Variants in VMA21 observed in about 807,000 individuals in gnomAD.
VMA21 encodes the protein vacuolar ATPase assembly factor VMA21.
For synonymous variants in VMA21, 47 were observed against 34.1 expected (o/e 1.38, Z -1.32); for missense variants, 61 against 80.6 (o/e 0.76, Z 0.93).
intron 2 of VMA21, among the ~76,000 whole-genome samples, chrX:151,404,497 C>G (rs1290978740): frequency 1.8e-5 from 2 of 112,543 alleles, no homozygotes; most frequent in Non-Finnish European, 3.8e-5. Flanking sequence ...CGGCTCGCGT[C>G]AAGCTCTGCC....
upstream of VMA21, chrX:151,397,104 C>T (rs1458133651): frequency 8.7e-6 from 3 of 345,489 alleles, no homozygotes; most frequent in East Asian, 5.1e-5. Context: ...AGCCCTGCGT[C>T]GCTGCGGCGC....
chrX:151,398,370 C>T (rs764631836), intron 1 of VMA21, among the ~76,000 whole-genome samples: 1 of 104,472 alleles, frequency 9.6e-6, no homozygotes, highest in Non-Finnish European at 2.0e-5. Context: ...TCAAGTAGAC[C>T]GCACTGTCTG....
Position 151,406,256 on chromosome X carries a change from A to G in VMA21, c.*1198A>G, listed in dbSNP as rs1359626756. On this transcript the variant is annotated 3_prime_UTR_variant, in exon 3 of 3. Transcript: ENST00000330374. Reference sequence around the variant, plus strand: ...TTTTTGAAAGCCATTCCTTAATGCTAGTTTGATACACACTAAAAGTTTAGC... The same window carrying G: ...TTTTTGAAAGCCATTCCTTAATGCTGGTTTGATACACACTAAAAGTTTAGC... 4.4e-5 allele frequency: 5 copies of G among 112,495 alleles called. No homozygotes were observed. The Admixed American group carries it at 4.7e-4, about 11-fold the overall frequency. The allele number at this position is 112,495 out of a possible 1,213,427, so 9.3% of individuals were successfully genotyped here. A position where few individuals can be genotyped will look rare whatever the true frequency, so the allele number is the denominator to read the frequency against.
Position 151,403,614 on chromosome X carries a change from T to C in VMA21, c.54-17T>C, listed in dbSNP as rs760213001. The C allele has an allele frequency of 9.4e-6, 11 of 1,165,884 alleles. No homozygotes were observed. In the Admixed American group the frequency reaches 2.4e-4, roughly 25 times the overall value. ...ACTGTGCAGGTTCTGATTTTCTCTT[T>C]GTTTACTTTATTCCAGAAATGAAAG... On this transcript the variant is annotated splice_polypyrimidine_tract_variant and intron_variant, in intron 1 of 2. Transcript: ENST00000330374.
chrX:151,397,342 C>T lies in VMA21; in HGVS notation c.34C>T (p.Leu12=). The change falls in exon 1 of 3, where the codon CTG becomes TTG. Residue 12 remains leucine, a synonymous_variant. Transcript: ENST00000330374. ...CCCGGATAAGGCGGCGCTGAACGCA[C>T]TGCAGCCTCCTGAGTTCAGGTAGCC... is the stretch of plus-strand genomic sequence containing the variant. ...ERPDKAALNA[L]QPPEFRNESS... The T allele has an allele frequency of 3.4e-6, 4 of 1,162,748 alleles. No individual in the cohort carries two copies. Among genetic ancestry groups the T allele is most frequent in the Non-Finnish European group, 4.6e-6 (4 of 872,759 alleles).
At chrX:151,401,575 G>A (rs896636303) in intron 1 of VMA21, among the ~76,000 whole-genome samples, 33 of 111,695 alleles carry the variant, frequency 3.0e-4, no homozygotes, top group African/African-American at 7.2e-4. Flanking sequence ...GATAGAGATT[G>A]TGTTATATCT....
chrX:151,403,531 C>T, intron 1 of VMA21, 100 bp from the exon 2 acceptor site: 1 of 631,991 alleles, frequency 1.6e-6, no homozygotes, highest in Non-Finnish European at 2.7e-6. Context: ...CTTCCTCCTG[C>T]ATAGCATCTC....
In VMA21 at chrX:151,397,287, C is replaced by T. The variant is rs1320166976; in HGVS notation, c.-22C>T. ...CCGAGCCCAGCTCCGCCGCCGAGCG[C>T]CTGTGCCGGCACGGCTACACCATGG... On this transcript the variant is annotated 5_prime_UTR_variant, in exon 1 of 3. Transcript: ENST00000330374. The T allele has an allele frequency of 5.2e-6, 6 of 1,154,757 alleles. No individual in the cohort carries two copies. Among genetic ancestry groups the T allele is most frequent in the East Asian group, 3.3e-5 (1 of 30,433 alleles).
chrX:151,397,582 C>T (rs1456081660), intron 1 of VMA21, among the ~76,000 whole-genome samples: 1 of 112,422 alleles, frequency 8.9e-6, no homozygotes, highest in African/African-American at 3.3e-5. Flanking sequence ...GGGAATAGGT[C>T]AGTGGGCCTT....
chrX:151,397,219 A>T lies in VMA21; in HGVS notation c.-90A>T, dbSNP rs1237833096. 3.9e-6 allele frequency: 4 copies of T among 1,036,816 alleles called. No individual in the cohort carries two copies. Among genetic ancestry groups the T allele is most frequent in the Admixed American group, 2.9e-5 (1 of 34,304 alleles). 85.4% of individuals were successfully genotyped at this position (1,036,816 alleles called of 1,213,427 possible). A position where few individuals can be genotyped will look rare whatever the true frequency, so the allele number is the denominator to read the frequency against. ...GCGCGAACCGCTACTTCCGGTGCGA[A>T]CCGCCTCGGCCGTTCCCTCGCGGAG... On this transcript the variant is annotated 5_prime_UTR_variant, in exon 1 of 3. Coordinates refer to ENST00000330374, the MANE Select transcript of VMA21 (RefSeq NM_001017980.4).
chrX:151,397,035 C>T (rs911176007), upstream of VMA21: 1 of 501,191 alleles, frequency 2.0e-6, no homozygotes, highest in Non-Finnish European at 3.6e-6. Context: ...CCTGGCAGGG[C>T]GCACGCCGCG....
chrX:151,398,011 A>G (rs1360776486), intron 1 of VMA21, among the ~76,000 whole-genome samples: 2 of 110,468 alleles, frequency 1.8e-5, no homozygotes, highest in African/African-American at 6.6e-5. Flanking sequence ...CCAATTTTGA[A>G]GAGGATGCAG....
chrX:151,404,311 G>A (rs1313079437), intron 2 of VMA21, among the ~76,000 whole-genome samples: 2 of 112,477 alleles, frequency 1.8e-5, no homozygotes, highest in East Asian at 5.6e-4. Flanking sequence ...GTGACCTCAG[G>A]TGATCCACCC....
In VMA21 at chrX:151,407,080, G is replaced by A. The variant is rs2011300844; in HGVS notation, c.*2022G>A. The stretch of plus-strand genomic sequence containing the variant: ...CTAATTTCTTTTTATATAATGCCAA[G>A]GTATTTCTTGTGCTTTTGGGATCTT... On this transcript the variant is annotated 3_prime_UTR_variant, in exon 3 of 3. Coordinates refer to ENST00000330374, the MANE Select transcript of VMA21 (RefSeq NM_001017980.4). 1 of 112,353 alleles carries A rather than the reference G, an allele frequency of 8.9e-6. No homozygotes were observed. The highest frequency in any genetic ancestry group is 3.2e-5 in the African/African-American group (1 of 30,880). The allele number at this position is 112,353 out of a possible 1,213,427, so 9.3% of individuals were successfully genotyped here. A position where few individuals can be genotyped will look rare whatever the true frequency, so the allele number is the denominator to read the frequency against.
chrX:151,397,097 C>T, upstream of VMA21: 1 of 368,363 alleles, frequency 2.7e-6, no homozygotes, highest in Non-Finnish European at 4.5e-6. Context: ...CGGCAACAGC[C>T]CTGCGTCGCT....
intron 1 of VMA21, among the ~76,000 whole-genome samples, chrX:151,403,158 A>G (rs773808688): frequency 8.0e-5 from 9 of 111,859 alleles, no homozygotes; most frequent in Non-Finnish European, 1.7e-4. Flanking sequence ...CCGTGACGGA[A>G]GCTCTGATTC....
At chrX:151,403,765 G>T in intron 2 of VMA21, 25 bp downstream of exon 2, 1 of 1,079,380 alleles carries the variant, frequency 9.3e-7, no homozygotes, top group Non-Finnish European at 1.3e-6. Context: ...ATTAAAACAA[G>T]ATGTTTTCCC....
chrX:151,397,057 G>C, upstream of VMA21: 1 of 489,187 alleles, frequency 2.0e-6, no homozygotes, highest in African/African-American at 2.4e-5. Flanking sequence ...AGCCACCGCC[G>C]GTAAGTCATG....
chrX:151,401,108 A>G (rs993309846), intron 1 of VMA21, among the ~76,000 whole-genome samples: 1 of 112,276 alleles, frequency 8.9e-6, no homozygotes, highest in Non-Finnish European at 1.9e-5. Flanking sequence ...ATCATTACTG[A>G]GGCCAATGTT....
Sources: allele counts gnomAD v4.1 joint callset (sites outside exome capture counted in the v4.1 genomes callset), GRCh38; gene constraint gnomAD v4.1.1; transcripts MANE v1.5; gene names NCBI Gene and HGNC (gene_info 2026-07-23, HGNC 2026-07-21).